Variants in ARHGAP24 observed in about 807,000 individuals in gnomAD.
The protein encoded by ARHGAP24 is Rho GTPase activating protein 24.
A neutral mutation model predicts 76.4 loss-of-function variants in ARHGAP24; 50 were observed. The observed-to-expected ratio is 0.65, with a 90% CI of 0.52 to 0.83. The LOEUF is 0.83. Ranked by LOEUF, ARHGAP24 falls within the 40% of genes least tolerant of loss-of-function variation. The pLI, the probability that ARHGAP24 is intolerant of heterozygous loss-of-function variation, is 0.00. For synonymous variants in ARHGAP24, 345 were observed against 323.3 expected (o/e 1.07, Z -0.72); for missense variants, 930 against 914.2 (o/e 1.02, Z -0.22).
At chr4:85,600,375 A>G (rs1002471783) in intron 2 of ARHGAP24, among the ~76,000 whole-genome samples, 1 of 152,208 alleles carries the variant, frequency 6.6e-6, no homozygotes, top group African/African-American at 2.4e-5. Flanking sequence ...GATCTGATTT[A>G]TGTTTAAATA....
chr4:85,627,319 G>C (rs1368549755), intron 2 of ARHGAP24, among the ~76,000 whole-genome samples: 1 of 152,130 alleles, frequency 6.6e-6, no homozygotes, highest in Non-Finnish European at 1.5e-5. Flanking sequence ...CAGGTCTGTT[G>C]GAGTTTTCTA....
chr4:85,948,911 A>T (rs1218144731), intron 5 of ARHGAP24, among the ~76,000 whole-genome samples: 1 of 152,062 alleles, frequency 6.6e-6, no homozygotes, highest in African/African-American at 2.4e-5. Flanking sequence ...GGGCTGATGG[A>T]GTTTCTCAAA....
chr4:85,583,805 A>G (rs201589462), intron 2 of ARHGAP24, among the ~76,000 whole-genome samples: 24,709 of 150,432 alleles, frequency 0.16, 3,763 homozygotes, highest in East Asian at 0.78. Flanking sequence ...ACTTCTCAAA[A>G]GAAGACATTT....
chr4:85,561,259 A>G (rs576867671), intron 1 of ARHGAP24, among the ~76,000 whole-genome samples: 33 of 152,328 alleles, frequency 2.2e-4, no homozygotes, highest in African/African-American at 7.5e-4. Context: ...ATGTCCAGGC[A>G]GTGGGAAAAC....
intron 3 of ARHGAP24, among the ~76,000 whole-genome samples, chr4:85,783,127 T>C (rs1727640774): frequency 6.6e-6 from 1 of 152,262 alleles, no homozygotes; most frequent in Non-Finnish European, 1.5e-5. Flanking sequence ...CTACAGTCAA[T>C]AATAATTCAG....
chr4:85,982,463 G>A (rs962255298), intron 8 of ARHGAP24, among the ~76,000 whole-genome samples: 8 of 151,932 alleles, frequency 5.3e-5, no homozygotes, highest in Non-Finnish European at 1.0e-4. Flanking sequence ...TGGGGGTCAC[G>A]GGAAGGTCTC....
intron 3 of ARHGAP24, among the ~76,000 whole-genome samples, chr4:85,804,531 T>C (rs72976750): frequency 0.14 from 21,046 of 152,108 alleles, 1,585 homozygotes; most frequent in South Asian, 0.19. Flanking sequence ...AAACAGTATA[T>C]AAATGAGCAT....
intron 4 of ARHGAP24, among the ~76,000 whole-genome samples, chr4:85,933,793 T>G (rs1330339167): frequency 1.3e-5 from 2 of 152,172 alleles, no homozygotes; most frequent in African/African-American, 4.8e-5. Context: ...CTAGATTCCT[T>G]GATTGTTGTG....
intron 5 of ARHGAP24, among the ~76,000 whole-genome samples, chr4:85,951,606 T>C (rs1737621819): frequency 6.6e-6 from 1 of 152,122 alleles, no homozygotes; most frequent in African/African-American, 2.4e-5. Context: ...CTCAAAATGA[T>C]AAAAATACAG....
chr4:85,576,941 G>A (rs1207922680), intron 2 of ARHGAP24, among the ~76,000 whole-genome samples: 1 of 151,810 alleles, frequency 6.6e-6, no homozygotes, highest in Non-Finnish European at 1.5e-5. Flanking sequence ...TTACTAATCT[G>A]TATAATGAGA....
chr4:85,970,046 T>C (rs12498346), intron 5 of ARHGAP24, among the ~76,000 whole-genome samples: 29,283 of 152,142 alleles, frequency 0.19, 3,057 homozygotes, highest in East Asian at 0.43. Flanking sequence ...ATAAAACAGT[T>C]GACACTATGC....
chr4:85,490,278 G>A (rs1723301415), intron 1 of ARHGAP24, among the ~76,000 whole-genome samples: 1 of 152,126 alleles, frequency 6.6e-6, no homozygotes, highest in Non-Finnish European at 1.5e-5. Flanking sequence ...TACAAGATTA[G>A]AGATTGATTC....
At chr4:85,871,391 A>T (rs1329769277) in intron 3 of ARHGAP24, among the ~76,000 whole-genome samples, 1 of 152,222 alleles carries the variant, frequency 6.6e-6, no homozygotes, top group East Asian at 1.9e-4. Flanking sequence ...TAAAATGCCC[A>T]ATACACCTTC....
chr4:85,584,264 A>G (rs1344927031), intron 2 of ARHGAP24, among the ~76,000 whole-genome samples: 1 of 152,206 alleles, frequency 6.6e-6, no homozygotes, highest in Non-Finnish European at 1.5e-5. Flanking sequence ...TGCAGCCACA[A>G]AAAATGATGA....
At position 85,570,640 on chromosome 4, in the gene ARHGAP24, C is replaced by T; in HGVS notation, c.99C>T (p.Val33=). ...CGWLRKQGGF[V]KTWHTRWFVL... ...GGCTGAGGAAGCAAGGAGGCTTTGT[C>T]AAGACTTGGCATACTCGCTGGTTTG... Residue 33 remains valine, a synonymous_variant, in exon 2 of 10, where the codon GTC becomes GTT. Coordinates refer to ENST00000395184, the MANE Select transcript of ARHGAP24 (RefSeq NM_001025616.3). 2 of 1,614,086 alleles carry T rather than the reference C, an allele frequency of 1.2e-6. No homozygotes were observed. The highest frequency in any genetic ancestry group is 1.7e-6 in the Non-Finnish European group (2 of 1,180,004).
intron 2 of ARHGAP24, among the ~76,000 whole-genome samples, chr4:85,668,539 G>C (rs949236035): frequency 2.6e-5 from 4 of 152,174 alleles, no homozygotes; most frequent in African/African-American, 9.7e-5. Flanking sequence ...CAGAGAAGAG[G>C]CTAGTGGCAT....
chr4:85,642,688 A>C (rs755506866), intron 2 of ARHGAP24, among the ~76,000 whole-genome samples: 2 of 152,064 alleles, frequency 1.3e-5, no homozygotes, highest in Non-Finnish European at 2.9e-5. Flanking sequence ...CACCCTTGAG[A>C]GTGTCTGAGC....
intron 2 of ARHGAP24, among the ~76,000 whole-genome samples, chr4:85,717,613 C>G (rs996359853): frequency 2.0e-5 from 3 of 152,100 alleles, no homozygotes; most frequent in Admixed American, 2.0e-4. Flanking sequence ...ACATATGGTT[C>G]TAATTTCTGC....
intron 3 of ARHGAP24, among the ~76,000 whole-genome samples, chr4:85,840,001 C>T (rs1475796628): frequency 6.7e-6 from 1 of 149,224 alleles, no homozygotes; most frequent in Non-Finnish European, 1.5e-5. Context: ...AGGCCTGTGC[C>T]ACCATGCCTG....
Sources: gnomAD v4.1 joint callset for allele counts (sites outside exome capture counted in the v4.1 genomes callset) on GRCh38, gnomAD v4.1.1 for gene constraint, MANE v1.5 for transcripts, NCBI Gene and HGNC (gene_info 2026-07-23, HGNC 2026-07-21) for gene names.